Variants in GHRH observed in about 807,000 individuals in gnomAD.
The protein encoded by GHRH is somatoliberin.
Under a neutral mutation model 15.6 loss-of-function variants are expected in GHRH, and 7 were observed. The observed-to-expected ratio is 0.45, with a 90% CI of 0.26 to 0.84. The LOEUF (loss-of-function observed/expected upper bound fraction) is 0.84. Ranked by LOEUF, GHRH falls within the 40% of genes least tolerant of loss-of-function variation. The pLI is 0.18. For missense variants in GHRH, 117 were observed against 138.0 expected (o/e 0.85, Z 0.76); for synonymous variants, 54 against 50.4 (o/e 1.07, Z -0.30).
chr20:37,255,292 CTA>C (rs1251275623), intron 3 of GHRH, among the ~76,000 whole-genome samples: 3 of 151,914 alleles, frequency 2.0e-5, no homozygotes, highest in Non-Finnish European at 2.9e-5. Context: ...AAAGTAAAAA[CTA>C]AAAAACGTAT....
rs772089954 is a variant in GHRH at position 37,256,813 on chromosome 20, G to A, written c.77C>T (p.Thr26Ile). 1 of 1,611,940 alleles carries A rather than the reference G, an allele frequency of 6.2e-7. No individual in the cohort carries two copies. ...TTCCCCAGGGTCTGCTTACCTGAGG[G>A]TCAAAGGGGGAGGTGGGGAGCAGTG... Reference protein sequence around the residue: ...SSHCSPPPPLTLRMRRYADAI... With the variant: ...SSHCSPPPPLILRMRRYADAI... The change falls in exon 2 of 5, where the codon ACC becomes ATC. Residue 26 changes from threonine to isoleucine, a missense_variant. Coordinates refer to ENST00000373614, the MANE Select transcript of GHRH (RefSeq NM_021081.6).
At chr20:37,256,544 C>G (rs762286181) in intron 2 of GHRH, 46 bp from the exon 3 acceptor site, 3 of 1,234,296 alleles carry the variant, frequency 2.4e-6, no homozygotes, top group East Asian at 4.7e-5. Flanking sequence ...GGAGGCCAGG[C>G]GAGAGGACAG....
At position 37,256,883 on chromosome 20, in the gene GHRH, G is replaced by A. The variant is rs1173835258; in HGVS notation, c.7C>T (p.Leu3Phe). The A allele has an allele frequency of 1.9e-6, 3 of 1,610,234 alleles. No homozygotes were observed. The highest frequency in any genetic ancestry group is 2.2e-5 in the East Asian group (1 of 44,770). The change falls in exon 2 of 5, where the codon CTC becomes TTC. Residue 3 changes from leucine (L) to phenylalanine (F), a missense_variant. Leu to Phe is a conservative substitution (Grantham distance 22, BLOSUM62 0). Coordinates refer to ENST00000373614, the MANE Select transcript of GHRH (RefSeq NM_021081.6). ...AGGATCACAAAGAAGAACACCCAGAGTGGCATCCTTCACCCGGGGTGGCAC... is the reference window on the plus strand; with the variant it reads ...AGGATCACAAAGAAGAACACCCAGAATGGCATCCTTCACCCGGGGTGGCAC... MP[L>F]WVFFFVILTL... is the part of the protein sequence containing the mutation.
Position 37,251,207 on chromosome 20 carries a change from G to A in GHRH, c.*6C>T, listed in dbSNP as rs1286972044. The stretch of plus-strand genomic sequence containing the variant: ...CTACAGGTAGCCCGGGTCACAGGAG[G>A]AATCTTCATCCCTGGGAGTTCCTGC... On this transcript the variant is annotated 3_prime_UTR_variant, in exon 5 of 5. Transcript: ENST00000373614. The A allele has an allele frequency of 1.3e-6, 2 of 1,597,620 alleles. No individual in the cohort carries two copies. Among genetic ancestry groups the A allele is most frequent in the Admixed American group, 1.7e-5 (1 of 57,528 alleles).
intron 4 of GHRH, among the ~76,000 whole-genome samples, chr20:37,253,891 C>G (rs1200496541): frequency 1.3e-5 from 2 of 151,868 alleles, no homozygotes; most frequent in Non-Finnish European, 2.9e-5. Context: ...GCTGGGATTA[C>G]AGGCGTGAGC....
intron 4 of GHRH, among the ~76,000 whole-genome samples, chr20:37,251,521 C>T (rs1008876899): frequency 1.3e-5 from 2 of 152,104 alleles, no homozygotes; most frequent in African/African-American, 4.8e-5. Flanking sequence ...GTTCTCCCAG[C>T]CTCACCATCA....
At chr20:37,257,001 CT>C in intron 1 of GHRH, 93 bp from the exon 2 acceptor site, 1 of 751,830 alleles carries the variant, frequency 1.3e-6, no homozygotes, top group Non-Finnish European at 2.3e-6. Context: ...CATGGCAAGC[CT>C]TGGTCCTTGG....
chr20:37,255,127 ATACT>A (rs1162615897), intron 3 of GHRH, among the ~76,000 whole-genome samples: 1 of 152,200 alleles, frequency 6.6e-6, no homozygotes, highest in Non-Finnish European at 1.5e-5. Context: ...AATGATAAGA[ATACT>A]TAATGTGCAT....
At chr20:37,257,482 CCA>C (rs985697148) in intron 1 of GHRH, among the ~76,000 whole-genome samples, 1 of 151,000 alleles carries the variant, frequency 6.6e-6, no homozygotes, top group Admixed American at 6.6e-5. Context: ...CCCATGCACT[CCA>C]CGCTGGGTGA....
Position 37,254,194 on chromosome 20 carries a change from G to A in GHRH, c.308+16C>T. 6.2e-7 allele frequency: 1 copy of A among 1,613,784 alleles called. No individual in the cohort carries two copies. The highest frequency in any genetic ancestry group is 8.5e-7 in the Non-Finnish European group (1 of 1,179,748). ...CCCTGAAGTCCCTAGATGCACCCAT[G>A]CACACACACCCATACCTGTGCTTCT... On this transcript the variant is annotated intron_variant, in intron 4 of 4. Transcript: ENST00000373614.
At chr20:37,261,165 A>G (rs946860012) in intron 1 of GHRH, among the ~76,000 whole-genome samples, 2 of 152,218 alleles carry the variant, frequency 1.3e-5, no homozygotes, top group Non-Finnish European at 2.9e-5. Flanking sequence ...GTCTATGGTG[A>G]AAGACACAAA....
At chr20:37,252,260 C>T (rs976652079) in intron 4 of GHRH, among the ~76,000 whole-genome samples, 3 of 152,154 alleles carry the variant, frequency 2.0e-5, no homozygotes, top group East Asian at 1.9e-4. Context: ...GTGTTCTTCC[C>T]GCCTCCCAGA....
chr20:37,256,628 A>G, intron 2 of GHRH, 130 bp from the exon 3 acceptor site: 4 of 734,368 alleles, frequency 5.4e-6, no homozygotes, highest in Non-Finnish European at 9.1e-6. Flanking sequence ...AGAGAGACTC[A>G]GACCCCTCTG....
At chr20:37,254,416 G>T in intron 3 of GHRH, 87 bp from the exon 4 acceptor site, 1 of 1,359,898 alleles carries the variant, frequency 7.4e-7, no homozygotes, top group African/African-American at 1.4e-5. Context: ...TTCAATATCT[G>T]GTGTGGACTC....
intron 3 of GHRH, 67 bp from the exon 4 acceptor site, chr20:37,254,396 C>T (rs1417728452): frequency 1.3e-6 from 2 of 1,537,404 alleles, no homozygotes; most frequent in Admixed American, 1.7e-5. Flanking sequence ...GGGTATATCC[C>T]TATGCCTATT....
chr20:37,255,590 G>C (rs1438011760), intron 3 of GHRH, among the ~76,000 whole-genome samples: 2 of 150,436 alleles, frequency 1.3e-5, no homozygotes, highest in Admixed American at 6.6e-5. Context: ...GAACCCGGGA[G>C]GGGGAGCTTG....
chr20:37,252,037 C>T (rs1421926551), intron 4 of GHRH, among the ~76,000 whole-genome samples: 1 of 152,206 alleles, frequency 6.6e-6, no homozygotes, highest in Non-Finnish European at 1.5e-5. Flanking sequence ...GAGCCATCCA[C>T]CCTACTGGGG....
rs1489909640 is a variant in GHRH at position 37,258,916 on chromosome 20, T to G, written c.-19-2008A>C. Among the ~76,000 whole-genome samples the G allele has an allele frequency of 6.6e-6, 1 of 152,142 alleles. No individual in the cohort carries two copies. Among genetic ancestry groups the G allele is most frequent in the Non-Finnish European group, 1.5e-5 (1 of 68,012 alleles). On this transcript the variant is annotated intron_variant, in intron 1 of 4. Transcript: ENST00000373614. The surrounding 1 kb of genome is among the most constrained non-coding windows in gnomAD (Gnocchi z 4.1). ...CATCATGCCCAGCTAATTTTGAAAT[T>G]TTTTGTAAAGATAAAGTCTCACTAT...
At chr20:37,260,618 A>G (rs1162110533) in intron 1 of GHRH, among the ~76,000 whole-genome samples, 1 of 152,180 alleles carries the variant, frequency 6.6e-6, no homozygotes, top group Non-Finnish European at 1.5e-5. Flanking sequence ...CAACAGACAC[A>G]TTCCACATGA....
Sources: gnomAD v4.1 joint callset for allele counts (sites outside exome capture counted in the v4.1 genomes callset) on GRCh38, gnomAD v4.1.1 for gene constraint, Gnocchi (gnomAD v3.1) non-coding constraint, MANE v1.5 for transcripts, NCBI Gene and HGNC (gene_info 2026-07-23, HGNC 2026-07-21) for gene names.